The following EFCAB5 variants were observed in gnomAD, a reference collection of about 807,000 sequenced individuals.
EFCAB5 encodes EF-hand calcium binding domain 5.
In EFCAB5, 131 loss-of-function variants were observed where a neutral mutation model predicts 167.9. The observed-to-expected ratio is 0.78, with a 90% CI of 0.68 to 0.90. EFCAB5 has a LOEUF of 0.90. Among genes scored for constraint, EFCAB5 ranks in the 40% least tolerant of loss-of-function variants. The probability of loss-of-function intolerance (pLI) is 0.00; values close to 1 mark genes in which losing one functional copy is unlikely to be tolerated. For missense variants in EFCAB5, 1,663 were observed against 1,745.2 expected (o/e 0.95, Z 0.84); for synonymous variants, 574 against 602.8 (o/e 0.95, Z 0.70).
At chr17:30,098,071 A>C (rs906516513) in intron 22 of EFCAB5, among the ~76,000 whole-genome samples, 4 of 152,052 alleles carry the variant, frequency 2.6e-5, no homozygotes, top group African/African-American at 7.2e-5. Flanking sequence ...AGTAGCTGGG[A>C]CTATAGGCAC....
intron 8 of EFCAB5, among the ~76,000 whole-genome samples, chr17:30,043,234 C>T (rs1000851728): frequency 6.6e-6 from 1 of 152,170 alleles, no homozygotes. Flanking sequence ...AAAAACCTCT[C>T]AACACACTAA....
intron 22 of EFCAB5, among the ~76,000 whole-genome samples, chr17:30,095,598 A>G (rs2071276945): frequency 6.6e-6 from 1 of 152,306 alleles, no homozygotes; most frequent in East Asian, 1.9e-4. Context: ...AAAATGGAAC[A>G]TGACTCATTC....
intron 4 of EFCAB5, among the ~76,000 whole-genome samples, chr17:29,975,790 A>G (rs1007908278): frequency 1.3e-5 from 2 of 152,190 alleles, no homozygotes; most frequent in Non-Finnish European, 2.9e-5. Flanking sequence ...TGACACCAGA[A>G]TCACCTGGGG....
In EFCAB5 at chr17:30,047,611, C is replaced by T. The variant is rs80103284; in HGVS notation, c.1201-3507C>T. Among the ~76,000 whole-genome samples the T allele has an allele frequency of 2.0e-3, 307 of 152,260 alleles. 9 individuals are homozygous for T. The East Asian group carries it at 0.053, about 26-fold the overall frequency. On this transcript the variant is annotated intron_variant, in intron 8 of 22. Transcript: ENST00000394835. ...ACGGATCCAGTTTGTCTAGGACTCA[C>T]ACTGTGGTTAGTTCCTGAATATATA... is the stretch of plus-strand genomic sequence containing the variant.
At chr17:30,045,148 A>G (rs1436071416) in intron 8 of EFCAB5, among the ~76,000 whole-genome samples, 1 of 152,126 alleles carries the variant, frequency 6.6e-6, no homozygotes, top group East Asian at 1.9e-4. Context: ...ACCATGAGTG[A>G]GGGGACTGAT....
intron 14 of EFCAB5, chr17:30,068,657 G>C (rs1319305866): frequency 2.0e-6 from 3 of 1,537,714 alleles, no homozygotes; most frequent in East Asian, 2.4e-5. Context: ...CTGCTATTCC[G>C]GGCCAGCGTC....
chr17:29,940,162 G>A (rs1352225591), upstream of EFCAB5, among the ~76,000 whole-genome samples: 5 of 151,082 alleles, frequency 3.3e-5, no homozygotes, highest in South Asian at 2.1e-4. Context: ...TGCAACCTCC[G>A]CCTCCCGGGT....
At chr17:29,931,091 A>G (rs2067186776) in intron 1 of EFCAB5, among the ~76,000 whole-genome samples, 1 of 152,228 alleles carries the variant, frequency 6.6e-6, no homozygotes, top group Admixed American at 6.5e-5. Flanking sequence ...CAAAGAATGT[A>G]ATGGAAAATC....
In EFCAB5 at chr17:30,057,707, T is replaced by C. The variant is rs780180166; in HGVS notation, c.2397T>C (p.Ser799=). 5 of 1,613,516 alleles carry C rather than the reference T, an allele frequency of 3.1e-6. No homozygotes were observed. The highest frequency in any genetic ancestry group is 4.2e-6 in the Non-Finnish European group (5 of 1,179,640). Residue 799 remains serine, a synonymous_variant, in exon 13 of 23, where the codon TCT becomes TCC. Coordinates refer to ENST00000394835, the MANE Select transcript of EFCAB5 (RefSeq NM_198529.4). ...ACTCAATTATCAGAAATATTCAGTC[T>C]TGCAAGGAGGTAAAAGGCAGAACTG... ...DLHSIIRNIQ[S]CKEVKGRTAF...
rs544214812 is a variant in EFCAB5, at chr17:29,946,934, C to T, written c.190+3285C>T. Among the ~76,000 whole-genome samples, 15 of 152,180 alleles carry T rather than the reference C, an allele frequency of 9.9e-5. No individual in the cohort carries two copies. In the South Asian group the frequency reaches 1.0e-3, roughly 11 times the overall value. On this transcript the variant is annotated intron_variant, in intron 3 of 22. Transcript: ENST00000394835. Reference sequence around the variant, plus strand: ...GCCCACCAACCAATGAGTGGATAAACAGCACTTCGGAAGGCCAAGGTGGGC... The same window carrying T: ...GCCCACCAACCAATGAGTGGATAAATAGCACTTCGGAAGGCCAAGGTGGGC...
At chr17:29,964,124 C>T (rs1469118439) in intron 3 of EFCAB5, among the ~76,000 whole-genome samples, 1 of 150,772 alleles carries the variant, frequency 6.6e-6, no homozygotes, top group Non-Finnish European at 1.5e-5. Flanking sequence ...TCAGGTATTC[C>T]TTTTTTTTTC....
At position 30,090,500 on chromosome 17, in the gene EFCAB5, C is replaced by T; in HGVS notation, c.3763C>T (p.Leu1255Phe). 2 of 1,614,018 alleles carry T rather than the reference C, an allele frequency of 1.2e-6. No individual in the cohort carries two copies. The highest frequency in any genetic ancestry group is 1.7e-6 in the Non-Finnish European group (2 of 1,179,892). ...TGGAGAAACGCATATAGTAGTTCCA[C>T]TTCGTGAGAGAACAGGAGAGGCTCT... ...ACGETHIVVP[L>F]RERTGEALGV... is the part of the protein sequence containing the mutation. The change falls in exon 20 of 23, where the codon CTT becomes TTT. Residue 1255 changes from leucine (L) to phenylalanine (F), a missense_variant. Physicochemically the swap from Leu to Phe is conservative, Grantham distance 22. Transcript: ENST00000394835.
At chr17:29,955,812 AAC>A (rs1044521064) in intron 3 of EFCAB5, among the ~76,000 whole-genome samples, 10 of 152,194 alleles carry the variant, frequency 6.6e-5, no homozygotes, top group East Asian at 3.9e-4. Context: ...AAAAAAAAAA[AAC>A]TATTCTAAAA....
At chr17:30,096,837 G>A (rs1269992373) in intron 22 of EFCAB5, among the ~76,000 whole-genome samples, 3 of 146,770 alleles carry the variant, frequency 2.0e-5, no homozygotes, top group African/African-American at 5.0e-5. Flanking sequence ...GTGCCACCAC[G>A]CTTGGCTAAT....
intron 22 of EFCAB5, among the ~76,000 whole-genome samples, chr17:30,096,677 A>ATATATATTTT (rs1193558323): frequency 2.7e-4 from 16 of 60,124 alleles, no homozygotes; most frequent in African/African-American, 1.3e-3. Flanking sequence ...ATATATATAT[A>ATATATATTTT]TTTTTTTTTT....
Position 30,092,839 on chromosome 17 carries a change from G to A in EFCAB5, c.4225-1G>A. 1.2e-6 allele frequency: 2 copies of A among 1,606,546 alleles called. No homozygotes were observed. The highest frequency in any genetic ancestry group is 2.2e-5 in the East Asian group (1 of 44,580). The stretch of plus-strand genomic sequence containing the variant: ...AATTTTCTCTTGTTGTTTGTTCACA[G>A]TATGTTAACAAATATTTAGTCAACA... On this transcript the variant is annotated splice_acceptor_variant, in intron 21 of 22. Coordinates refer to ENST00000394835, the MANE Select transcript of EFCAB5 (RefSeq NM_198529.4). LOFTEE classifies it high-confidence loss of function.
chr17:30,043,622 CA>C (rs1425200383), intron 8 of EFCAB5, among the ~76,000 whole-genome samples: 1 of 152,154 alleles, frequency 6.6e-6, no homozygotes, highest in Admixed American at 6.5e-5. Context: ...ATGCCATTTA[CA>C]ATAACATCAC....
chr17:30,008,584 C>T (rs2068825076), intron 7 of EFCAB5, among the ~76,000 whole-genome samples: 1 of 148,916 alleles, frequency 6.7e-6, no homozygotes, highest in African/African-American at 2.5e-5. Flanking sequence ...AGCAAGACTC[C>T]ATCTCAAAAA....
At chr17:30,107,755 CATA>C (rs1356292819) in intron 22 of EFCAB5, 76 bp from the exon 23 acceptor site, 2 of 1,202,242 alleles carry the variant, frequency 1.7e-6, no homozygotes, top group Non-Finnish European at 2.2e-6. Context: ...GAACTTTAAT[CATA>C]ATATTAGAAC....
Sources: gnomAD v4.1 joint callset for allele counts (sites outside exome capture counted in the v4.1 genomes callset) on GRCh38, gnomAD v4.1.1 for gene constraint, MANE v1.5 for transcripts, NCBI Gene and HGNC (gene_info 2026-07-23, HGNC 2026-07-21) for gene names.